The following NKAIN3 variants were observed in gnomAD, a reference collection of about 807,000 sequenced individuals.
NKAIN3 encodes the protein sodium/potassium-transporting ATPase subunit beta-1-interacting protein 3.
In NKAIN3, 25 loss-of-function variants were observed where a neutral mutation model predicts 30.2. The ratio of observed to expected loss-of-function variants is 0.83; its 90% CI spans 0.60 to 1.16. The LOEUF (loss-of-function observed/expected upper bound fraction) is 1.16, where lower values mean the gene tolerates loss of function less well. NKAIN3 is among the 50% of genes most tolerant of loss of function. The pLI is 0.00. For synonymous variants in NKAIN3, 91 were observed against 89.6 expected, an observed-to-expected ratio of 1.02 and a Z score of -0.09; for missense variants, 225 against 254.1, an observed-to-expected ratio of 0.89 and a Z score of 0.78.
chr8:62,944,955 C>T (rs1471628542), intron 5 of NKAIN3, among the ~76,000 whole-genome samples: 3 of 152,052 alleles, frequency 2.0e-5, no homozygotes, highest in African/African-American at 4.8e-5. Flanking sequence ...AGAAAAAATA[C>T]AAGAATGGGA....
At chr8:62,888,009 C>T (rs539729847) in intron 4 of NKAIN3, among the ~76,000 whole-genome samples, 3 of 152,182 alleles carry the variant, frequency 2.0e-5, no homozygotes, top group South Asian at 2.1e-4. Context: ...GTGCCTTTAA[C>T]GATGTGGTGG....
intron 1 of NKAIN3, among the ~76,000 whole-genome samples, chr8:62,305,268 A>G (rs1296615319): frequency 2.0e-5 from 3 of 150,216 alleles, no homozygotes; most frequent in Non-Finnish European, 2.9e-5. Flanking sequence ...AGATATTTCT[A>G]TGAAATACGA....
At chr8:62,285,728 T>C (rs929563220) in intron 1 of NKAIN3, among the ~76,000 whole-genome samples, 2 of 152,164 alleles carry the variant, frequency 1.3e-5, no homozygotes, top group Admixed American at 6.6e-5. Flanking sequence ...CAATCCCTTT[T>C]TCTTTGAACT....
In NKAIN3 at chr8:62,540,054, T is replaced by G. The variant is rs72651547; in HGVS notation, c.55-39485T>G. On this transcript the variant is annotated intron_variant, in intron 1 of 6. Transcript: ENST00000623646. ...TTATGGTATTTTATTGCTTTTATTT[T>G]TATCAAAGTTAGATACATCAACATA... Among the ~76,000 whole-genome samples, 542 of 152,344 alleles carry G rather than the reference T, an allele frequency of 3.6e-3. 3 individuals carry two copies. Among genetic ancestry groups the G allele is most frequent in the Non-Finnish European group, 6.1e-3 (414 of 68,042 alleles).
At chr8:62,577,148 G>A (rs182844320) in intron 1 of NKAIN3, among the ~76,000 whole-genome samples, 3 of 151,946 alleles carry the variant, frequency 2.0e-5, no homozygotes, top group Non-Finnish European at 4.4e-5. Context: ...CTGTATTCTC[G>A]ATATGCTCCC....
At chr8:62,990,135 TA>T in intron 5 of NKAIN3, 1 of 978,496 alleles carries the variant, frequency 1.0e-6, no homozygotes, top group Non-Finnish European at 1.5e-6. Flanking sequence ...TAAATGTTGA[TA>T]TTTTAAAAAT....
intron 1 of NKAIN3, among the ~76,000 whole-genome samples, chr8:62,305,074 A>G (rs1814182842): frequency 1.3e-5 from 2 of 150,486 alleles, no homozygotes. Flanking sequence ...GAAATAGTAC[A>G]TTGCCTGGCA....
At chr8:62,880,651 T>A (rs1194327111) in intron 4 of NKAIN3, among the ~76,000 whole-genome samples, 1 of 152,204 alleles carries the variant, frequency 6.6e-6, no homozygotes. Flanking sequence ...CACACTTACA[T>A]CCTCCTCCAG....
intron 3 of NKAIN3, among the ~76,000 whole-genome samples, chr8:62,730,499 A>T (rs1214478130): frequency 6.6e-6 from 1 of 151,942 alleles, no homozygotes; most frequent in Non-Finnish European, 1.5e-5. Flanking sequence ...ATTTTTCCTA[A>T]ATGTCATTTA....
intron 1 of NKAIN3, among the ~76,000 whole-genome samples, chr8:62,312,341 GA>G (rs1814469953): frequency 6.6e-6 from 1 of 150,586 alleles, no homozygotes; most frequent in South Asian, 2.1e-4. Context: ...GGGTTTGGAA[GA>G]AAATATTAGG....
chr8:62,958,298 C>T (rs1344289744), intron 6 of NKAIN3, among the ~76,000 whole-genome samples: 1 of 152,088 alleles, frequency 6.6e-6, no homozygotes, highest in Admixed American at 6.5e-5. Flanking sequence ...TATCGAGATG[C>T]TTTCAGTGGT....
intron 1 of NKAIN3, among the ~76,000 whole-genome samples, chr8:62,404,954 A>T (rs1243821209): frequency 1.3e-5 from 2 of 151,578 alleles, no homozygotes; most frequent in Non-Finnish European, 2.9e-5. Context: ...GGGCCCAAGG[A>T]CTCTTTAGTC....
At chr8:62,958,266 G>T (rs1823477674) in intron 6 of NKAIN3, among the ~76,000 whole-genome samples, 1 of 152,040 alleles carries the variant, frequency 6.6e-6, no homozygotes, top group Non-Finnish European at 1.5e-5. Context: ...AGCAGCCAGG[G>T]CTCCACCATT....
chr8:62,452,467 C>T (rs529551207), intron 1 of NKAIN3, among the ~76,000 whole-genome samples: 7 of 152,092 alleles, frequency 4.6e-5, no homozygotes, highest in African/African-American at 1.2e-4. Flanking sequence ...CAGAGTGAGA[C>T]TCTGTCTCAA....
chr8:62,493,980 G>A (rs1457219323), intron 1 of NKAIN3, among the ~76,000 whole-genome samples: 1 of 152,074 alleles, frequency 6.6e-6, no homozygotes, highest in African/African-American at 2.4e-5. Context: ...AGGATAATTT[G>A]ACTTCCTCTT....
intron 1 of NKAIN3, among the ~76,000 whole-genome samples, chr8:62,530,270 A>G (rs563577104): frequency 6.6e-6 from 1 of 152,096 alleles, no homozygotes; most frequent in Non-Finnish European, 1.5e-5. Flanking sequence ...AAGATGATGT[A>G]ATAAATATAT....
At chr8:62,766,858 C>T (rs1816854371) in intron 4 of NKAIN3, among the ~76,000 whole-genome samples, 1 of 152,212 alleles carries the variant, frequency 6.6e-6, no homozygotes, top group Non-Finnish European at 1.5e-5. Context: ...TCCAGGATGC[C>T]CTGGTTTGGG....
intron 3 of NKAIN3, among the ~76,000 whole-genome samples, chr8:62,741,357 GAGAA>G (rs879553484): frequency 0.043 from 5,929 of 136,850 alleles, 211 homozygotes; most frequent in African/African-American, 0.087. Context: ...AAGAAAGAGA[GAGAA>G]AGAAGGAAGG....
At chr8:62,310,504 C>T (rs1182978036) in intron 1 of NKAIN3, among the ~76,000 whole-genome samples, 1 of 150,486 alleles carries the variant, frequency 6.6e-6, no homozygotes, top group Admixed American at 6.6e-5. Flanking sequence ...TGTTACTTTC[C>T]TTAACGTAAA....
Sources: gnomAD v4.1 joint callset for allele counts (sites outside exome capture counted in the v4.1 genomes callset) on GRCh38, gnomAD v4.1.1 for gene constraint, MANE v1.5 for transcripts, NCBI Gene and HGNC (gene_info 2026-07-23, HGNC 2026-07-21) for gene names.